PHF8: variants seen among roughly 807,000 people sequenced by gnomAD.
PHF8 encodes PHD finger protein 8.
In PHF8, 9 loss-of-function variants were observed where a neutral mutation model predicts 74.4. The observed-to-expected ratio is 0.12, with a 90% CI of 0.07 to 0.21. PHF8 has a LOEUF of 0.21. Ranked by LOEUF, PHF8 falls within the 10% of genes least tolerant of loss-of-function variation. The pLI, the probability that PHF8 is intolerant of heterozygous loss-of-function variation, is 1.00. For synonymous variants in PHF8, 311 were observed against 316.6 expected (o/e 0.98, Z 0.19); for missense variants, 478 against 816.6 (o/e 0.59, Z 5.05).
intron 19 of PHF8, among the ~76,000 whole-genome samples, chrX:53,957,345 G>A (rs782531964): frequency 9.2e-6 from 1 of 108,482 alleles, no homozygotes; most frequent in East Asian, 2.9e-4. Context: ...GAACGACTCT[G>A]TCTCAAAAAA....
intron 2 of PHF8, among the ~76,000 whole-genome samples, chrX:54,038,434 T>C (rs1483879774): frequency 8.9e-6 from 1 of 112,242 alleles, no homozygotes; most frequent in Non-Finnish European, 1.9e-5. Context: ...CAAGACAGGA[T>C]AATGTTCTAA....
intron 2 of PHF8, among the ~76,000 whole-genome samples, chrX:54,042,418 T>G (rs2066574458): frequency 1.9e-5 from 2 of 103,406 alleles, no homozygotes; most frequent in African/African-American, 3.5e-5. Context: ...AAAAGAAAAG[T>G]GCAAAGAAGA....
chrX:53,997,568 C>G (rs1434424750), intron 11 of PHF8, among the ~76,000 whole-genome samples: 1 of 111,422 alleles, frequency 9.0e-6, no homozygotes, highest in African/African-American at 3.3e-5. Flanking sequence ...GCAGGTTCCT[C>G]CCCTACAAAT....
intron 4 of PHF8, among the ~76,000 whole-genome samples, chrX:54,021,760 G>A (rs1038832066): frequency 6.3e-5 from 7 of 110,603 alleles, no homozygotes; most frequent in Non-Finnish European, 9.4e-5. Context: ...GAGCCACCGC[G>A]CCCGGCCAGT....
chrX:53,984,130 G>T (rs1446198080), intron 18 of PHF8, among the ~76,000 whole-genome samples: 1 of 112,397 alleles, frequency 8.9e-6, no homozygotes, highest in Admixed American at 9.4e-5. Flanking sequence ...GGGACGCCAA[G>T]GCAGGCGGGC....
intron 18 of PHF8, among the ~76,000 whole-genome samples, chrX:53,982,237 G>C (rs782590007): frequency 8.9e-6 from 1 of 112,557 alleles, no homozygotes; most frequent in Non-Finnish European, 1.9e-5. Context: ...GCTCAAAGAT[G>C]AGAGCCTTGG....
At chrX:54,019,099 C>T (rs992564437) in intron 4 of PHF8, among the ~76,000 whole-genome samples, 5 of 111,988 alleles carry the variant, frequency 4.5e-5, no homozygotes, top group Non-Finnish European at 9.4e-5. Context: ...AATAGTAACA[C>T]AACAGAATGC....
chrX:53,938,101 G>A lies in PHF8; in HGVS notation c.*1057C>T. On this transcript the variant is annotated 3_prime_UTR_variant, in exon 22 of 22. Coordinates refer to ENST00000338154, the MANE Select transcript of PHF8 (RefSeq NM_015107.3). ...CCAGGAGTGAAGATGTGAGTCCTGA[G>A]GTCTTCTTCAGACCAAGACCTCAGG... The A allele has an allele frequency of 8.6e-7, 1 of 1,157,345 alleles. No individual in the cohort carries two copies. Among genetic ancestry groups the A allele is most frequent in the Non-Finnish European group, 1.2e-6 (1 of 867,204 alleles).
intron 18 of PHF8, among the ~76,000 whole-genome samples, chrX:53,979,454 C>G (rs2065444483): frequency 8.9e-6 from 1 of 111,929 alleles, no homozygotes; most frequent in Non-Finnish European, 1.9e-5. Context: ...AATACATCAA[C>G]AGAGCTTTCA....
chrX:54,014,032 T>C (rs2066022745), intron 7 of PHF8, among the ~76,000 whole-genome samples: 2 of 110,001 alleles, frequency 1.8e-5, no homozygotes, highest in Admixed American at 1.9e-4. Flanking sequence ...CTCGGCTCAC[T>C]GAAAGCTCCA....
chrX:54,008,581 T>C (rs1263533402), intron 8 of PHF8, among the ~76,000 whole-genome samples: 4 of 107,496 alleles, frequency 3.7e-5, no homozygotes, highest in Non-Finnish European at 5.8e-5. Context: ...ATCCCAGCTA[T>C]TCAGGAGGCT....
Position 54,018,771 on chromosome X carries a change from C to T in PHF8, c.294-950G>A, listed in dbSNP as rs782749090. ...GACTAGCTGGGATTACAGGCATGCG[C>T]CACCACGCCCAGCTAATTTTGTATT... On this transcript the variant is annotated intron_variant, in intron 4 of 21. Coordinates refer to ENST00000338154, the MANE Select transcript of PHF8 (RefSeq NM_015107.3). 3.6e-5 allele frequency among the ~76,000 whole-genome samples: 4 copies of T among 110,780 alleles called. No individual in the cohort carries two copies. In the South Asian group the frequency reaches 1.5e-3, roughly 42 times the overall value.
chrX:53,945,362 T>C (rs1235540057), intron 19 of PHF8, among the ~76,000 whole-genome samples: 5 of 102,670 alleles, frequency 4.9e-5, no homozygotes, highest in Non-Finnish European at 9.9e-5. Flanking sequence ...AAAAAAAAAT[T>C]ATCCGGCCAT....
intron 18 of PHF8, among the ~76,000 whole-genome samples, chrX:53,967,529 G>A (rs1361730172): frequency 1.8e-5 from 2 of 109,491 alleles, no homozygotes; most frequent in African/African-American, 3.3e-5. Context: ...CGCCCCGTCC[G>A]GGAGGTGAGG....
At chrX:53,953,045 C>A (rs1376196034) in intron 19 of PHF8, among the ~76,000 whole-genome samples, 1 of 108,330 alleles carries the variant, frequency 9.2e-6, no homozygotes, top group Admixed American at 9.9e-5. Context: ...GAGGCTGAGG[C>A]GGCCGATCAC....
intron 12 of PHF8, 99 bp from the exon 13 acceptor site, chrX:53,994,002 G>A (rs1233307937): frequency 1.8e-5 from 11 of 616,059 alleles, no homozygotes; most frequent in Non-Finnish European, 2.9e-5. Context: ...GTACTGCCAT[G>A]GAAGTGGCTT....
intron 2 of PHF8, among the ~76,000 whole-genome samples, chrX:54,041,887 G>A (rs376960488): frequency 8.9e-6 from 1 of 112,468 alleles, no homozygotes; most frequent in East Asian, 2.8e-4. Context: ...ACTTGTGCAT[G>A]GTCACTCTGA....
intron 19 of PHF8, among the ~76,000 whole-genome samples, chrX:53,955,816 T>C (rs1476511294): frequency 1.8e-5 from 2 of 111,269 alleles, no homozygotes; most frequent in East Asian, 2.8e-4. Context: ...AGAATATTAA[T>C]AGGAGATTCA....
intron 18 of PHF8, among the ~76,000 whole-genome samples, chrX:53,973,859 C>T (rs1395799044): frequency 2.7e-5 from 3 of 111,656 alleles, no homozygotes; most frequent in African/African-American, 9.8e-5. Flanking sequence ...GAACAGACAA[C>T]CTACAGAATG....
Sources: allele counts gnomAD v4.1 joint callset (sites outside exome capture counted in the v4.1 genomes callset), GRCh38; gene constraint gnomAD v4.1.1; transcripts MANE v1.5; gene names NCBI Gene and HGNC (gene_info 2026-07-23, HGNC 2026-07-21).